Variants in STX18 observed in about 807,000 individuals in gnomAD.
The protein encoded by STX18 is syntaxin-18.
In STX18, 40 loss-of-function variants were observed where a neutral mutation model predicts 50.1. That is an observed-to-expected ratio of 0.80 (90% confidence interval 0.62 to 1.04). The LOEUF is 1.04. Among genes scored for constraint, STX18 ranks in the 50% least tolerant of loss-of-function variants. The probability of loss-of-function intolerance (pLI) is 0.00; values close to 1 mark genes in which losing one functional copy is unlikely to be tolerated. For missense variants in STX18, 410 were observed against 415.8 expected, an observed-to-expected ratio of 0.99 and a Z score of 0.12; for synonymous variants, 158 against 151.8, an observed-to-expected ratio of 1.04 and a Z score of -0.30.
At chr4:4,423,653 ACTTCTAAAGAAATC>A in intron 8 of STX18, 66 bp from the exon 9 acceptor site, 1 of 1,487,064 alleles carries the variant, frequency 6.7e-7, no homozygotes, top group Non-Finnish European at 9.4e-7. Context: ...ACTGTTACAC[ACTTCTAAAGAAATC>A]CTATCTTCTA....
intron 1 of STX18, among the ~76,000 whole-genome samples, chr4:4,517,919 C>CCTGTA (rs1730353042): frequency 6.6e-6 from 1 of 151,976 alleles, no homozygotes; most frequent in Non-Finnish European, 1.5e-5. Flanking sequence ...GGATTACAGG[C>CCTGTA]GCCTGCCACC....
intron 5 of STX18, chr4:4,453,659 C>A: frequency 1.0e-6 from 1 of 982,856 alleles, no homozygotes; most frequent in South Asian, 4.7e-5. Context: ...TTCTTTTATG[C>A]CTCCAGCAAA....
intron 1 of STX18, among the ~76,000 whole-genome samples, chr4:4,523,185 C>T (rs1472525265): frequency 6.6e-6 from 1 of 152,188 alleles, no homozygotes; most frequent in African/African-American, 2.4e-5. Flanking sequence ...GACATTACCT[C>T]TAATCCAAGT....
chr4:4,507,193 C>A, intron 1 of STX18: 1 of 586,344 alleles, frequency 1.7e-6, no homozygotes, highest in Non-Finnish European at 3.3e-6. Context: ...TGATGCTCAG[C>A]AGCAGCTCTC....
chr4:4,474,971 C>T (rs751938907), intron 1 of STX18, among the ~76,000 whole-genome samples: 7 of 152,222 alleles, frequency 4.6e-5, no homozygotes, highest in Admixed American at 4.6e-4. Context: ...ACCTTACTAT[C>T]CACAACAGGT....
intron 7 of STX18, among the ~76,000 whole-genome samples, chr4:4,427,261 G>A (rs931361333): frequency 2.9e-4 from 44 of 152,218 alleles, no homozygotes; most frequent in South Asian, 6.2e-4. Context: ...TCTGGGAAGG[G>A]CGGAAGTGCC....
chr4:4,520,512 C>T (rs1244763137), intron 1 of STX18, among the ~76,000 whole-genome samples: 1 of 152,110 alleles, frequency 6.6e-6, no homozygotes, highest in African/African-American at 2.4e-5. Context: ...GAATAAGATA[C>T]CTAAAAAGCT....
At chr4:4,489,874 G>A (rs1728868748) in intron 1 of STX18, among the ~76,000 whole-genome samples, 1 of 152,118 alleles carries the variant, frequency 6.6e-6, no homozygotes, top group Admixed American at 6.5e-5. Flanking sequence ...CATTCTACAT[G>A]AGTTCTTACT....
At chr4:4,452,246 G>A (rs1726792430) in intron 5 of STX18, among the ~76,000 whole-genome samples, 1 of 152,178 alleles carries the variant, frequency 6.6e-6, no homozygotes, top group Non-Finnish European at 1.5e-5. Context: ...AAAAGAAGTC[G>A]ATTCCATAAT....
intron 1 of STX18, among the ~76,000 whole-genome samples, chr4:4,472,394 G>A (rs953068754): frequency 6.6e-6 from 1 of 152,178 alleles, no homozygotes; most frequent in African/African-American, 2.4e-5. Flanking sequence ...CAGTCAATAG[G>A]GACAAACGTG....
At position 4,492,804 on chromosome 4, in the gene STX18, T is replaced by C. The variant is rs541336361; in HGVS notation, c.169-21098A>G. Among the ~76,000 whole-genome samples, 360 of 152,266 alleles carry C rather than the reference T, an allele frequency of 2.4e-3. 1 individual carries two copies. The highest frequency in any genetic ancestry group is 8.0e-3 in the African/African-American group (333 of 41,570). On this transcript the variant is annotated intron_variant, in intron 1 of 10. Transcript: ENST00000306200. ...TCTGCTTAGCCACTCTCTTCCCTAG[T>C]AGTCTGAAAAAAATGTGTGCATTTA...
At chr4:4,506,977 G>T (rs1319834095) in intron 1 of STX18, 1 of 335,006 alleles carries the variant, frequency 3.0e-6, no homozygotes, top group East Asian at 7.7e-5. Context: ...TCAGAGAACT[G>T]TATTAGCAAA....
chr4:4,499,195 T>G (rs1410987474), intron 1 of STX18, among the ~76,000 whole-genome samples: 2 of 152,204 alleles, frequency 1.3e-5, no homozygotes, highest in African/African-American at 4.8e-5. Flanking sequence ...CATTTCAAAT[T>G]TGAAACACAA....
chr4:4,422,146 C>G (rs1185493397), intron 9 of STX18, among the ~76,000 whole-genome samples: 3 of 152,264 alleles, frequency 2.0e-5, no homozygotes, highest in Non-Finnish European at 4.4e-5. Context: ...ATCATCACCC[C>G]TTTTTAGAGA....
At chr4:4,454,536 T>C (rs1726963556) in intron 5 of STX18, among the ~76,000 whole-genome samples, 1 of 152,208 alleles carries the variant, frequency 6.6e-6, no homozygotes, top group Admixed American at 6.5e-5. Context: ...CCACACCATC[T>C]TGATGACAAA....
At chr4:4,468,225 G>T (rs956751644) in intron 2 of STX18, among the ~76,000 whole-genome samples, 1 of 151,836 alleles carries the variant, frequency 6.6e-6, no homozygotes, top group Non-Finnish European at 1.5e-5. Context: ...GCCTTGAAAC[G>T]TACTTTCTCT....
intron 1 of STX18, among the ~76,000 whole-genome samples, chr4:4,515,237 T>C (rs1730195426): frequency 6.6e-6 from 1 of 152,144 alleles, no homozygotes; most frequent in Non-Finnish European, 1.5e-5. Flanking sequence ...CATGGTCTAA[T>C]ATGCAATGAT....
At chr4:4,525,246 G>A (rs16835836) in intron 1 of STX18, among the ~76,000 whole-genome samples, 5,625 of 152,230 alleles carry the variant, frequency 0.037, 320 homozygotes, top group African/African-American at 0.13. Flanking sequence ...CTTGTTGAAG[G>A]GTTATTTATA....
intron 1 of STX18, among the ~76,000 whole-genome samples, chr4:4,525,425 G>A (rs1360915798): frequency 1.3e-5 from 2 of 152,170 alleles, no homozygotes; most frequent in Non-Finnish European, 2.9e-5. Flanking sequence ...GCTTTTAAAA[G>A]ATGGAAAATT....
Sources: gnomAD v4.1 joint callset for allele counts (sites outside exome capture counted in the v4.1 genomes callset) on GRCh38, gnomAD v4.1.1 for gene constraint, MANE v1.5 for transcripts, NCBI Gene and HGNC (gene_info 2026-07-23, HGNC 2026-07-21) for gene names.